The following ERICH3 variants were observed in gnomAD, a reference collection of about 807,000 sequenced individuals.
The protein encoded by ERICH3 is glutamate-rich protein 3.
In ERICH3, 126 loss-of-function variants were observed where a neutral mutation model predicts 131.1. That is an observed-to-expected ratio of 0.96 (90% CI 0.83 to 1.11). The LOEUF (loss-of-function observed/expected upper bound fraction) is 1.11. Ranked by LOEUF, ERICH3 falls within the 50% of genes most tolerant of loss-of-function variation. ERICH3 has a pLI of 0.00. For missense variants in ERICH3, 2,050 were observed against 1,810.7 expected (o/e 1.13, Z -2.40); for synonymous variants, 695 against 644.6 (o/e 1.08, Z -1.18).
chr1:74,630,363 T>C (rs145799814), intron 7 of ERICH3, among the ~76,000 whole-genome samples: 198 of 152,318 alleles, frequency 1.3e-3, no homozygotes, highest in African/African-American at 4.5e-3. Flanking sequence ...TTGAGGTCAG[T>C]CTTGGTCAAG....
chr1:74,570,785 C>A (rs2100494904), intron 14 of ERICH3, among the ~76,000 whole-genome samples: 1 of 152,260 alleles, frequency 6.6e-6, no homozygotes, highest in African/African-American at 2.4e-5. Flanking sequence ...CTCTGTGGCA[C>A]ATTCTCCTCT....
intron 9 of ERICH3, 106 bp from the exon 10 acceptor site, chr1:74,607,008 C>CA: frequency 4.6e-6 from 5 of 1,088,710 alleles, no homozygotes; most frequent in Non-Finnish European, 6.5e-6. Context: ...AAAAAAGACA[C>CA]AAAAATGTTT....
chr1:74,590,778 G>A (rs1275692919), intron 11 of ERICH3, among the ~76,000 whole-genome samples: 1 of 152,042 alleles, frequency 6.6e-6, no homozygotes, highest in East Asian at 1.9e-4. Flanking sequence ...ATCATTGTTA[G>A]GATAAGGAAA....
At chr1:74,574,160 T>TTTTTG (rs1332737627) in intron 13 of ERICH3, among the ~76,000 whole-genome samples, 16 of 151,902 alleles carry the variant, frequency 1.1e-4, no homozygotes, top group Admixed American at 2.0e-4. Context: ...CAGGCTAATT[T>TTTTTG]TTTTGTTTTG....
In ERICH3 at chr1:74,571,281, C is replaced by T. The variant is rs141694470; in HGVS notation, c.4429G>A (p.Gly1477Arg). 2.5e-5 allele frequency: 40 copies of T among 1,613,922 alleles called. No individual in the cohort carries two copies. The highest frequency in any genetic ancestry group is 1.6e-4 in the African/African-American group (12 of 74,886). ...TCCCTCTCTCCCTCCCGTGATAATCCTAATCGGAATTTTTCAGCTGCTCCT... is the reference window on the plus strand; with the variant it reads ...TCCCTCTCTCCCTCCCGTGATAATCTTAATCGGAATTTTTCAGCTGCTCCT... ...ETGAAEKFRL[G>R]LSREGERELS... is the part of the protein sequence containing the mutation. The change falls in exon 14 of 15, where the codon GGA becomes AGA. Residue 1477 changes from glycine to arginine, a missense_variant. Coordinates refer to ENST00000326665, the MANE Select transcript of ERICH3 (RefSeq NM_001002912.5).
At chr1:74,582,018 T>A (rs1411227869) in intron 12 of ERICH3, among the ~76,000 whole-genome samples, 2 of 152,162 alleles carry the variant, frequency 1.3e-5, no homozygotes, top group Non-Finnish European at 1.5e-5. Context: ...GCTACTCTAG[T>A]CTTGACATTG....
chr1:74,592,359 T>C (rs1647648567), intron 11 of ERICH3: 1 of 152,146 alleles, frequency 6.6e-6, no homozygotes, highest in African/African-American at 2.4e-5. Flanking sequence ...GTTCAGAAAC[T>C]TTAGGGTCTA....
chr1:74,595,491 G>T (rs540575972), intron 11 of ERICH3, among the ~76,000 whole-genome samples: 1 of 151,998 alleles, frequency 6.6e-6, no homozygotes, highest in East Asian at 1.9e-4. Context: ...AGCAGGAGGA[G>T]AATAAAATAA....
chr1:74,614,885 G>T (rs1211632264), intron 8 of ERICH3, among the ~76,000 whole-genome samples: 1 of 152,146 alleles, frequency 6.6e-6, no homozygotes, highest in Non-Finnish European at 1.5e-5. Flanking sequence ...TCCTCAGGTG[G>T]TGAAAGCAAG....
Position 74,636,429 on chromosome 1 carries a change from G to A in ERICH3, c.454C>T (p.Arg152Ter), listed in dbSNP as rs999904875. 10 of 1,605,932 alleles carry A rather than the reference G, an allele frequency of 6.2e-6. No individual in the cohort carries two copies. The highest frequency in any genetic ancestry group is 4.0e-5 in the African/African-American group (3 of 74,686). ...ATATTTCCTGGAGCAGTATATGGTC[G>A]AGGGGCTGTCTAGACAATTAGGGGA... ...HSSPLALTAP[R>*]PYTAPGNMQP... The change falls in exon 6 of 15, where the codon CGA (arginine) becomes TGA (stop). Residue 152 changes from arginine to a stop codon, truncating the protein, a stop_gained. Coordinates refer to ENST00000326665, the MANE Select transcript of ERICH3 (RefSeq NM_001002912.5). LOFTEE classifies it high-confidence loss of function.
chr1:74,610,558 C>T (rs1028087448), intron 9 of ERICH3, among the ~76,000 whole-genome samples: 13 of 151,330 alleles, frequency 8.6e-5, no homozygotes, highest in African/African-American at 3.2e-4. Flanking sequence ...TTCTTATTCT[C>T]TAAAGTATTC....
intron 1 of ERICH3, among the ~76,000 whole-genome samples, chr1:74,671,387 G>T (rs1646741879): frequency 6.6e-6 from 1 of 152,138 alleles, no homozygotes; most frequent in African/African-American, 2.4e-5. Context: ...TGTACCTACT[G>T]TCTGTTATTA....
chr1:74,628,172 G>A (rs1328761210), intron 7 of ERICH3, among the ~76,000 whole-genome samples: 2 of 152,144 alleles, frequency 1.3e-5, no homozygotes, highest in Non-Finnish European at 2.9e-5. Context: ...CATCTCTTTA[G>A]TAAATCATCT....
At position 74,569,396 on chromosome 1, in the gene ERICH3, T is replaced by C. The variant is rs1345545398; in HGVS notation, c.*1062A>G. On this transcript the variant is annotated 3_prime_UTR_variant, in exon 15 of 15. Coordinates refer to ENST00000326665, the MANE Select transcript of ERICH3 (RefSeq NM_001002912.5). ...ATGCGCTCTGGGGCACTTGTATGTC[T>C]TCAGGGAAATGAAAACCCCTAGGAG... 3 of 152,272 alleles carry C rather than the reference T, an allele frequency of 2.0e-5. No homozygotes were observed. The highest frequency in any genetic ancestry group is 7.2e-5 in the African/African-American group (3 of 41,566). The allele number at this position is 152,272 out of a possible 1,614,324, so 9.4% of individuals were successfully genotyped here. A position where few individuals can be genotyped will look rare whatever the true frequency, so the allele number is the denominator to read the frequency against.
At chr1:74,602,264 C>T (rs1269234536) in intron 10 of ERICH3, among the ~76,000 whole-genome samples, 1 of 151,934 alleles carries the variant, frequency 6.6e-6, no homozygotes, top group Non-Finnish European at 1.5e-5. Flanking sequence ...TCTATCCCTG[C>T]TATCATCACA....
At chr1:74,577,728 A>G (rs1647093099) in intron 12 of ERICH3, among the ~76,000 whole-genome samples, 1 of 152,190 alleles carries the variant, frequency 6.6e-6, no homozygotes, top group Non-Finnish European at 1.5e-5. Flanking sequence ...TTAAAAAAAG[A>G]GAGAGAGAGC....
intron 5 of ERICH3, among the ~76,000 whole-genome samples, chr1:74,640,011 A>C (rs1388334315): frequency 1.3e-5 from 2 of 152,222 alleles, no homozygotes; most frequent in Non-Finnish European, 2.9e-5. Context: ...GGCGGGCCAC[A>C]TGAAGAATCC....
intron 12 of ERICH3, among the ~76,000 whole-genome samples, chr1:74,581,294 C>T: frequency 6.6e-6 from 1 of 151,994 alleles, no homozygotes; most frequent in East Asian, 1.9e-4. Flanking sequence ...TCTTATTAAG[C>T]CCATGTGTTA....
At chr1:74,621,137 A>G (rs1385708869) in intron 7 of ERICH3, among the ~76,000 whole-genome samples, 1 of 152,190 alleles carries the variant, frequency 6.6e-6, no homozygotes, top group Non-Finnish European at 1.5e-5. Flanking sequence ...CTTTTAATGT[A>G]AATAATGGGG....
Sources: allele counts gnomAD v4.1 joint callset (sites outside exome capture counted in the v4.1 genomes callset), GRCh38; gene constraint gnomAD v4.1.1; transcripts MANE v1.5; gene names NCBI Gene and HGNC (gene_info 2026-07-23, HGNC 2026-07-21).